PLEKHA6: variants seen among roughly 807,000 people sequenced by gnomAD.
PLEKHA6 encodes the protein pleckstrin homology domain containing A6, also known as pleckstrin homology domain-containing family A member 6.
Under a neutral mutation model 116.7 loss-of-function variants are expected in PLEKHA6, and 60 were observed. The observed-to-expected ratio is 0.51, with a 90% CI of 0.42 to 0.64. The LOEUF is 0.64. Ranked by LOEUF, PLEKHA6 falls within the 30% of genes least tolerant of loss-of-function variation. The probability of loss-of-function intolerance (pLI) is 0.00; values close to 1 mark genes in which losing one functional copy is unlikely to be tolerated. For missense variants in PLEKHA6, 1,338 were observed against 1,422.7 expected, an observed-to-expected ratio of 0.94 and a Z score of 0.96; for synonymous variants, 489 against 556.1, an observed-to-expected ratio of 0.88 and a Z score of 1.70.
At chr1:204,353,227 A>T (rs1234031440) in intron 1 of PLEKHA6, among the ~76,000 whole-genome samples, 1 of 152,188 alleles carries the variant, frequency 6.6e-6, no homozygotes, top group Non-Finnish European at 1.5e-5. Flanking sequence ...TACAAATAAG[A>T]CAAATCAGGC....
At chr1:204,231,378 C>T (rs1434367988) in intron 17 of PLEKHA6, among the ~76,000 whole-genome samples, 2 of 152,124 alleles carry the variant, frequency 1.3e-5, no homozygotes, top group Non-Finnish European at 2.9e-5. Flanking sequence ...GGGACTGGTG[C>T]TAGGATCCTG....
intron 3 of PLEKHA6, among the ~76,000 whole-genome samples, chr1:204,273,086 TC>T (rs1667640614): frequency 6.6e-6 from 1 of 152,180 alleles, no homozygotes; most frequent in Non-Finnish European, 1.5e-5. Flanking sequence ...GCCTTTGTCT[TC>T]CTGGCCCTCT....
At chr1:204,324,394 A>G (rs1229636370) in intron 1 of PLEKHA6, among the ~76,000 whole-genome samples, 1 of 152,202 alleles carries the variant, frequency 6.6e-6, no homozygotes, top group Non-Finnish European at 1.5e-5. Flanking sequence ...AGGGGCCTCA[A>G]TGAATAAGCC....
chr1:204,324,079 C>T (rs1284812458), intron 1 of PLEKHA6, among the ~76,000 whole-genome samples: 1 of 152,082 alleles, frequency 6.6e-6, no homozygotes, highest in African/African-American at 2.4e-5. Flanking sequence ...CAAGGTTCTG[C>T]TTGAGTCTGC....
intron 1 of PLEKHA6, among the ~76,000 whole-genome samples, chr1:204,377,287 G>C (rs1258740636): frequency 6.6e-6 from 1 of 152,196 alleles, no homozygotes; most frequent in East Asian, 1.9e-4. Context: ...CATTGGTCTA[G>C]TCATCCTCCT....
intron 9 of PLEKHA6, chr1:204,251,414 C>T: frequency 1.6e-6 from 1 of 616,676 alleles, no homozygotes; most frequent in Non-Finnish European, 2.9e-6. Context: ...CCAAGCCTGT[C>T]TCCAGGCAGA....
chr1:204,245,847 T>TAC lies in PLEKHA6; in HGVS notation c.1921-123_1921-122dup, dbSNP rs58927549. ...GCCAGCAGGAGGCAGGCACCCTGTG[T>TAC]ACACACACACACACACACACACACA... On this transcript the variant is annotated intron_variant, in intron 13 of 22. Coordinates refer to ENST00000272203, the MANE Select transcript of PLEKHA6 (RefSeq NM_014935.5). 4.2e-3 allele frequency: 2,341 copies of TAC among 551,694 alleles called. 9 individuals are homozygous for TAC. The highest frequency in any genetic ancestry group is 9.7e-3 in the South Asian group (429 of 44,388). 34.2% of individuals were successfully genotyped at this position (551,694 alleles called of 1,614,324 possible). A position where few individuals can be genotyped will look rare whatever the true frequency, so the allele number is the denominator to read the frequency against.
intron 9 of PLEKHA6, 105 bp from the exon 10 acceptor site, chr1:204,250,719 T>C: frequency 2.5e-6 from 2 of 812,296 alleles, no homozygotes; most frequent in Non-Finnish European, 4.3e-6. Flanking sequence ...GAGACCATGG[T>C]CCGTCACCTC....
Position 204,257,336 on chromosome 1 carries a change from G to A in PLEKHA6, c.1524+17C>T, listed in dbSNP as rs374825701. On this transcript the variant is annotated intron_variant, in intron 9 of 22. Transcript: ENST00000272203. This position sits in a 1 kb window ranked among gnomAD's most constrained non-coding sequence, Gnocchi z 6.5. ...GACCTCAGGGGATGAGGAAGGAAGGGCAGGCTGGTGGCTCACCTTGGGGGA... is the reference window on the plus strand; with the variant it reads ...GACCTCAGGGGATGAGGAAGGAAGGACAGGCTGGTGGCTCACCTTGGGGGA... 1.7e-5 allele frequency: 26 copies of A among 1,555,772 alleles called. No individual in the cohort carries two copies. The highest frequency in any genetic ancestry group is 1.8e-4 in the Middle Eastern group (1 of 5,600).
chr1:204,245,030 G>A (rs1663441970), intron 14 of PLEKHA6, 27 bp from the exon 15 acceptor site: 1 of 1,397,770 alleles, frequency 7.2e-7, no homozygotes. Flanking sequence ...GGATGGGTGA[G>A]CAATGGAGGA....
upstream of PLEKHA6, among the ~76,000 whole-genome samples, chr1:204,363,569 G>A (rs1046377345): frequency 6.6e-6 from 1 of 152,218 alleles, no homozygotes; most frequent in African/African-American, 2.4e-5. Context: ...CTTGGGGACA[G>A]AACTGGCCAG....
chr1:204,259,884 T>A lies in PLEKHA6; in HGVS notation c.525-144A>T. The A allele has an allele frequency of 1.2e-6, 1 of 830,838 alleles. No homozygotes were observed. The highest frequency in any genetic ancestry group is 1.8e-6 in the Non-Finnish European group (1 of 547,828). 51.5% of individuals were successfully genotyped at this position (830,838 alleles called of 1,614,324 possible). ...AGGATTCTATGAACTCCAGTTCTGC[T>A]TCCTAAGTCCCACCCCTTCACCTTC... On this transcript the variant is annotated intron_variant, in intron 7 of 22. Transcript: ENST00000272203. This position sits in a 1 kb window ranked among gnomAD's most constrained non-coding sequence, Gnocchi z 4.6.
At chr1:204,304,128 C>T (rs769994971) in intron 1 of PLEKHA6, among the ~76,000 whole-genome samples, 19 of 152,186 alleles carry the variant, frequency 1.2e-4, no homozygotes, top group South Asian at 4.1e-4. Flanking sequence ...TCACACTATT[C>T]CCAAAATCCA....
intron 1 of PLEKHA6, chr1:204,311,818 C>G (rs758122546): frequency 2.2e-4 from 63 of 286,460 alleles, no homozygotes; most frequent in Non-Finnish European, 3.1e-4. Context: ...TCACAATCAC[C>G]CATGGCCATG....
chr1:204,304,358 A>G (rs1479414342), intron 1 of PLEKHA6, among the ~76,000 whole-genome samples: 1 of 152,196 alleles, frequency 6.6e-6, no homozygotes, highest in African/African-American at 2.4e-5. Context: ...GAAAGACTCA[A>G]TATGTTTATC....
chr1:204,377,880 C>A (rs1380459115), upstream of PLEKHA6: 1 of 152,204 alleles, frequency 6.6e-6, no homozygotes, highest in East Asian at 1.9e-4. Flanking sequence ...CGGCAGGGAG[C>A]AGGCAAGCGC....
chr1:204,228,108 G>A lies in PLEKHA6; in HGVS notation c.3006C>T (p.Ala1002=). The change falls in exon 21 of 23, where the codon GCC becomes GCT. Residue 1002 remains alanine, a synonymous_variant. Transcript: ENST00000272203. This position sits in a 1 kb window ranked among gnomAD's most constrained non-coding sequence, Gnocchi z 4.0. ...CAGACAGCATGCGGCCCCTGCGGGA[G>A]GCCTCGGTCGCCAGGGCGCAGGAGA... ...IEISCALATE[A]SRRGRMLSVQ... is the part of the protein sequence containing the mutation. 1 of 1,612,756 alleles carries A rather than the reference G, an allele frequency of 6.2e-7. No individual in the cohort carries two copies. The highest frequency in any genetic ancestry group is 8.5e-7 in the Non-Finnish European group (1 of 1,179,294).
chr1:204,243,183 G>A (rs1663093225), intron 15 of PLEKHA6: 5 of 399,388 alleles, frequency 1.3e-5, no homozygotes, highest in East Asian at 7.1e-5. Flanking sequence ...AGCGGCTCTC[G>A]CTAGGGAGTG....
At chr1:204,355,438 T>C (rs766001205) in intron 1 of PLEKHA6, among the ~76,000 whole-genome samples, 1 of 152,042 alleles carries the variant, frequency 6.6e-6, no homozygotes, top group Non-Finnish European at 1.5e-5. Context: ...CTACGTTTTG[T>C]TTGTTTGTTT....
Sources: gnomAD v4.1 joint callset for allele counts (sites outside exome capture counted in the v4.1 genomes callset) on GRCh38, gnomAD v4.1.1 for gene constraint, Gnocchi (gnomAD v3.1) non-coding constraint, MANE v1.5 for transcripts, NCBI Gene and HGNC (gene_info 2026-07-23, HGNC 2026-07-21) for gene names.